The following CDS1 variants were observed in gnomAD, a reference collection of about 807,000 sequenced individuals.
The protein encoded by CDS1 is CDP-diacylglycerol synthase 1.
Under a neutral mutation model 62.1 loss-of-function variants are expected in CDS1, and 41 were observed. The observed-to-expected ratio is 0.66, with a 90% CI of 0.51 to 0.86. CDS1 has a LOEUF of 0.86. Among genes scored for constraint, CDS1 ranks in the 40% least tolerant of loss-of-function variants. The pLI, the probability that CDS1 is intolerant of heterozygous loss-of-function variation, is 0.00. For synonymous variants in CDS1, 185 were observed against 192.6 expected (o/e 0.96, Z 0.32); for missense variants, 470 against 550.1 (o/e 0.85, Z 1.46).
intron 5 of CDS1, among the ~76,000 whole-genome samples, chr4:84,623,321 A>G (rs1265236716): frequency 1.6e-4 from 25 of 152,196 alleles, no homozygotes; most frequent in Admixed American, 1.6e-3. Flanking sequence ...ATTTCTAAAG[A>G]TATCTTTAGT....
At chr4:84,618,667 G>A (rs749760756) in intron 4 of CDS1, among the ~76,000 whole-genome samples, 13 of 152,098 alleles carry the variant, frequency 8.5e-5, no homozygotes, top group Non-Finnish European at 1.0e-4. Context: ...ATTGATTAGC[G>A]GACAGTGGGT....
At position 84,597,107 on chromosome 4, in the gene CDS1, T is replaced by C. The variant is rs535855473; in HGVS notation, c.118-7136T>C. Among the ~76,000 whole-genome samples, 214 of 152,340 alleles carry C rather than the reference T, an allele frequency of 1.4e-3. 1 individual carries two copies. Among genetic ancestry groups the C allele is most frequent in the Non-Finnish European group, 2.1e-3 (146 of 68,032 alleles). On this transcript the variant is annotated intron_variant, in intron 1 of 12. Coordinates refer to ENST00000295887, the MANE Select transcript of CDS1 (RefSeq NM_001263.4). ...CATTTGGTTTTCTCTTATCCAAGCA[T>C]TGGGATCCACCACAAAGTGTAACTC...
intron 5 of CDS1, among the ~76,000 whole-genome samples, chr4:84,624,026 C>CT (rs1300541926): frequency 1.3e-5 from 2 of 152,090 alleles, no homozygotes; most frequent in South Asian, 2.1e-4. Context: ...AATCCCAGCA[C>CT]TTTGAGAGGC....
At chr4:84,599,546 C>T (rs1454082806) in intron 1 of CDS1, among the ~76,000 whole-genome samples, 2 of 150,792 alleles carry the variant, frequency 1.3e-5, no homozygotes, top group Non-Finnish European at 2.9e-5. Context: ...TCCTTAGACA[C>T]GTACTAATCT....
intron 5 of CDS1, among the ~76,000 whole-genome samples, chr4:84,629,798 A>G (rs549081621): frequency 6.6e-6 from 1 of 152,352 alleles, no homozygotes; most frequent in South Asian, 2.1e-4. Flanking sequence ...TGTCCTGGAT[A>G]AAATGTCCAT....
chr4:84,646,356 C>CT (rs1359402134), intron 12 of CDS1, among the ~76,000 whole-genome samples: 4 of 151,864 alleles, frequency 2.6e-5, no homozygotes, highest in Non-Finnish European at 5.9e-5. Flanking sequence ...ATTTCTCTGC[C>CT]TTTTTTAAAT....
chr4:84,617,504 ATGAT>A (rs1467859985), intron 3 of CDS1, 56 bp from the exon 4 acceptor site: 1 of 850,790 alleles, frequency 1.2e-6, no homozygotes, highest in Non-Finnish European at 2.0e-6. Flanking sequence ...GCTTTATTGA[ATGAT>A]TAAGCACAAA....
intron 2 of CDS1, among the ~76,000 whole-genome samples, chr4:84,607,477 C>G (rs1037446666): frequency 6.6e-6 from 1 of 151,660 alleles, no homozygotes; most frequent in Non-Finnish European, 1.5e-5. Context: ...TGAGTACCAC[C>G]ACGCGCAGCT....
chr4:84,627,090 A>G (rs1432270774), intron 5 of CDS1, among the ~76,000 whole-genome samples: 1 of 152,258 alleles, frequency 6.6e-6, no homozygotes, highest in Non-Finnish European at 1.5e-5. Flanking sequence ...TCTGTTAAAC[A>G]ATATTCCAAG....
At chr4:84,632,255 C>T (rs1038182000) in intron 6 of CDS1, among the ~76,000 whole-genome samples, 3 of 151,676 alleles carry the variant, frequency 2.0e-5, no homozygotes, top group Non-Finnish European at 4.4e-5. Flanking sequence ...TTGCACTTGG[C>T]GTGCGCATAA....
intron 1 of CDS1, among the ~76,000 whole-genome samples, chr4:84,589,957 C>A (rs921559630): frequency 3.9e-5 from 6 of 152,148 alleles, no homozygotes; most frequent in African/African-American, 1.4e-4. Flanking sequence ...ACTACAGGCA[C>A]CCGCCACCAC....
At chr4:84,583,729 G>T (rs951246234) in intron 1 of CDS1, among the ~76,000 whole-genome samples, 1 of 152,138 alleles carries the variant, frequency 6.6e-6, no homozygotes, top group Non-Finnish European at 1.5e-5. Context: ...GGATGACCGC[G>T]GCCGCTGCCC....
At chr4:84,640,380 G>A (rs1482103480) in intron 9 of CDS1, among the ~76,000 whole-genome samples, 1 of 151,894 alleles carries the variant, frequency 6.6e-6, no homozygotes, top group Admixed American at 6.6e-5. Context: ...TGGACAGCTA[G>A]TTTTAAAAAT....
intron 5 of CDS1, among the ~76,000 whole-genome samples, chr4:84,629,333 C>T (rs981225975): frequency 1.3e-5 from 2 of 150,218 alleles, no homozygotes; most frequent in Admixed American, 1.3e-4. Flanking sequence ...CTGGAGTCAA[C>T]CAACTGTGGA....
At chr4:84,631,788 C>A in intron 5 of CDS1, 31 bp from the exon 6 acceptor site, 8 of 1,591,350 alleles carry the variant, frequency 5.0e-6, no homozygotes, top group Non-Finnish European at 6.9e-6. Flanking sequence ...CCAAATTGTA[C>A]AACGAGCACA....
At chr4:84,635,698 C>G (rs1295193545) in intron 8 of CDS1, among the ~76,000 whole-genome samples, 5 of 129,674 alleles carry the variant, frequency 3.9e-5, no homozygotes, top group Non-Finnish European at 8.3e-5. Context: ...TTCCCTCCTT[C>G]CCTCCCTCCC....
intron 11 of CDS1, among the ~76,000 whole-genome samples, chr4:84,643,718 A>C (rs1022834181): frequency 6.6e-6 from 1 of 152,226 alleles, no homozygotes; most frequent in South Asian, 2.1e-4. Context: ...TTTATTTATA[A>C]AAATAGGTTG....
intron 1 of CDS1, among the ~76,000 whole-genome samples, chr4:84,593,073 C>T (rs939483395): frequency 6.6e-6 from 1 of 152,110 alleles, no homozygotes; most frequent in Non-Finnish European, 1.5e-5. Context: ...CAAGGTTGTG[C>T]TTTTTATTTT....
chr4:84,628,276 A>G (rs116034662), intron 5 of CDS1, among the ~76,000 whole-genome samples: 2,854 of 152,292 alleles, frequency 0.019, 85 homozygotes, highest in African/African-American at 0.066. Flanking sequence ...CTAATCATCA[A>G]TGGTAAATTT....
Sources: gnomAD v4.1 joint callset for allele counts (sites outside exome capture counted in the v4.1 genomes callset) on GRCh38, gnomAD v4.1.1 for gene constraint, MANE v1.5 for transcripts, NCBI Gene and HGNC (gene_info 2026-07-23, HGNC 2026-07-21) for gene names.